SIK3: variants seen among roughly 807,000 people sequenced by gnomAD.
SIK3 encodes the protein SIK family kinase 3, also known as serine/threonine-protein kinase SIK3.
In SIK3, 28 loss-of-function variants were observed where a neutral mutation model predicts 144.2. That is an observed-to-expected ratio of 0.19 (90% CI 0.14 to 0.27). SIK3 has a LOEUF of 0.27. Among genes scored for constraint, SIK3 ranks in the 10% least tolerant of loss-of-function variants. The pLI is 1.00. For missense variants in SIK3, 1,319 were observed against 1,776.0 expected (o/e 0.74, Z 4.62); for synonymous variants, 686 against 676.3 (o/e 1.01, Z -0.22).
At chr11:117,079,753 G>GA (rs1249785212) in intron 1 of SIK3, among the ~76,000 whole-genome samples, 2 of 151,010 alleles carry the variant, frequency 1.3e-5, no homozygotes, top group African/African-American at 4.9e-5. Flanking sequence ...AAAAAAAACA[G>GA]AAAAATCTGA....
At chr11:116,904,861 A>T (rs1945944104) in intron 4 of SIK3, 2 of 165,064 alleles carry the variant, frequency 1.2e-5, no homozygotes, top group Admixed American at 6.5e-5. Flanking sequence ...TACAGGCATG[A>T]GCCGCTGCAC....
chr11:117,078,846 C>T (rs113703073), intron 1 of SIK3, among the ~76,000 whole-genome samples: 1,965 of 152,260 alleles, frequency 0.013, 22 homozygotes, highest in Middle Eastern at 0.02. Flanking sequence ...CATCTCGATA[C>T]CTTTTCTGCC....
intron 3 of SIK3, among the ~76,000 whole-genome samples, chr11:116,949,201 T>C (rs1379951519): frequency 1.3e-5 from 2 of 152,202 alleles, no homozygotes; most frequent in Admixed American, 1.3e-4. Flanking sequence ...CATGCCACCA[T>C]GCCCAGCTAA....
In SIK3 at chr11:117,011,459, T is replaced by C. The variant is rs934873690; in HGVS notation, c.274-54395A>G. 2.0e-5 allele frequency among the ~76,000 whole-genome samples: 3 copies of C among 152,242 alleles called. 1 individual carries two copies. The highest frequency in any genetic ancestry group is 6.3e-3 in the Middle Eastern group (2 of 316). ...CCAACAACAGTAAAATTTCTGTCCA[T>C]TGTTACACATAACAGAGAGTGGATT... On this transcript the variant is annotated intron_variant, in intron 1 of 24. Coordinates refer to ENST00000445177, the MANE Select transcript of SIK3 (RefSeq NM_001366686.3).
Position 117,040,946 on chromosome 11 carries a change from TCC to T in SIK3, c.273+57195_273+57196del, listed in dbSNP as rs796251468. 3.3e-3 allele frequency among the ~76,000 whole-genome samples: 411 copies of T among 124,858 alleles called. 4 individuals carry two copies. Among genetic ancestry groups the T allele is most frequent in the Middle Eastern group, 9.2e-3 (2 of 218 alleles). 81.9% of individuals were successfully genotyped at this position (124,858 alleles called of 152,430 possible). On this transcript the variant is annotated intron_variant, in intron 1 of 24. Coordinates refer to ENST00000445177, the MANE Select transcript of SIK3 (RefSeq NM_001366686.3). ...ATCCATCACCTCACAGTTACCTGCC[TCC>T]TTTTTTTTTTTTTTTTTTTAGCAAG...
chr11:117,013,955 A>ATTTCTTTTTTTCT (rs1196882107), intron 1 of SIK3, among the ~76,000 whole-genome samples: 1 of 9,930 alleles, frequency 1.0e-4, no homozygotes, highest in Non-Finnish European at 2.4e-4. Flanking sequence ...TGTGTGTTTT[A>ATTTCTTTTTTTCT]TTTCTTTTTT....
At chr11:116,893,326 T>G (rs1232465970) in intron 6 of SIK3, among the ~76,000 whole-genome samples, 1 of 152,024 alleles carries the variant, frequency 6.6e-6, no homozygotes, top group Non-Finnish European at 1.5e-5. Flanking sequence ...AGAGGGTACA[T>G]GCAAACTGTG....
At chr11:116,925,811 C>A (rs144924172) in intron 4 of SIK3, among the ~76,000 whole-genome samples, 1 of 152,050 alleles carries the variant, frequency 6.6e-6, no homozygotes, top group Non-Finnish European at 1.5e-5. Flanking sequence ...AAAATAAAAC[C>A]GACATGAGAG....
intron 3 of SIK3, among the ~76,000 whole-genome samples, chr11:116,929,986 A>T (rs1264533396): frequency 6.6e-6 from 1 of 152,218 alleles, no homozygotes; most frequent in Non-Finnish European, 1.5e-5. Context: ...ACTTTCCCCA[A>T]AGTTACCTTC....
intron 6 of SIK3, among the ~76,000 whole-genome samples, chr11:116,880,943 G>GT (rs1351319809): frequency 6.6e-6 from 1 of 152,024 alleles, no homozygotes; most frequent in African/African-American, 2.4e-5. Flanking sequence ...GGCCAACATG[G>GT]TAAAACCCTG....
At chr11:117,026,047 T>C (rs972274874) in intron 1 of SIK3, among the ~76,000 whole-genome samples, 8 of 152,160 alleles carry the variant, frequency 5.3e-5, no homozygotes, top group South Asian at 2.1e-4. Flanking sequence ...ACCCAAGGAA[T>C]TGATGGTCTA....
At chr11:116,906,291 C>T (rs769715759) in intron 4 of SIK3, among the ~76,000 whole-genome samples, 1 of 151,934 alleles carries the variant, frequency 6.6e-6, no homozygotes, top group Admixed American at 6.6e-5. Context: ...GAGAATATGG[C>T]CCTGAGCAGA....
chr11:117,085,640 C>G (rs1235933695), intron 1 of SIK3, among the ~76,000 whole-genome samples: 4 of 151,986 alleles, frequency 2.6e-5, no homozygotes, highest in African/African-American at 9.7e-5. Context: ...TATATTATTC[C>G]CTCTACTTTC....
intron 1 of SIK3, among the ~76,000 whole-genome samples, chr11:117,064,153 G>A (rs7946101): frequency 0.056 from 8,500 of 152,064 alleles, 518 homozygotes; most frequent in African/African-American, 0.15. Flanking sequence ...TCAATGTCAG[G>A]GTCATTCATG....
At chr11:116,921,019 C>A (rs1463258857) in intron 4 of SIK3, among the ~76,000 whole-genome samples, 2 of 152,202 alleles carry the variant, frequency 1.3e-5, no homozygotes, top group Non-Finnish European at 2.9e-5. Flanking sequence ...GCGATGCCGG[C>A]TCCATGCTGA....
At chr11:117,073,155 C>T (rs1323248974) in intron 1 of SIK3, among the ~76,000 whole-genome samples, 10 of 152,116 alleles carry the variant, frequency 6.6e-5, no homozygotes, top group Non-Finnish European at 1.5e-4. Flanking sequence ...GGGAAGGGAG[C>T]ATTGGAAATT....
intron 1 of SIK3, among the ~76,000 whole-genome samples, chr11:117,020,889 G>C (rs1951737836): frequency 6.6e-6 from 1 of 152,196 alleles, no homozygotes; most frequent in Admixed American, 6.5e-5. Flanking sequence ...GGGGATATTG[G>C]GAAACCAGTT....
chr11:116,960,167 T>G (rs987146599), intron 1 of SIK3, among the ~76,000 whole-genome samples: 9 of 152,208 alleles, frequency 5.9e-5, no homozygotes, highest in Non-Finnish European at 1.3e-4. Flanking sequence ...GAAGTTTTAA[T>G]AGATTAAAAC....
intron 9 of SIK3, 129 bp from the exon 10 acceptor site, chr11:116,875,580 T>C: frequency 9.8e-7 from 1 of 1,023,868 alleles, no homozygotes; most frequent in Non-Finnish European, 1.4e-6. Flanking sequence ...TCATCGGCCC[T>C]TAGAAGTCAC....
Sources: allele counts gnomAD v4.1 joint callset (sites outside exome capture counted in the v4.1 genomes callset), GRCh38; gene constraint gnomAD v4.1.1; transcripts MANE v1.5; gene names NCBI Gene and HGNC (gene_info 2026-07-23, HGNC 2026-07-21).